The following ADAMTS2 variants were observed in gnomAD, a reference collection of about 807,000 sequenced individuals.
ADAMTS2 encodes the protein ADAM metallopeptidase with thrombospondin type 1 motif 2, also known as A disintegrin and metalloproteinase with thrombospondin motifs 2.
In ADAMTS2, 50 loss-of-function variants were observed where a neutral mutation model predicts 123.0. The ratio of observed to expected loss-of-function variants is 0.41; its 90% CI spans 0.32 to 0.51. The LOEUF is 0.51. Among genes scored for constraint, ADAMTS2 ranks in the 20% least tolerant of loss-of-function variants. The pLI, the probability that ADAMTS2 is intolerant of heterozygous loss-of-function variation, is 0.35. For synonymous variants in ADAMTS2, 678 were observed against 695.4 expected (o/e 0.98, Z 0.39); for missense variants, 1,494 against 1,705.2 (o/e 0.88, Z 2.18).
chr5:179,339,713 T>A (rs1376781650), intron 2 of ADAMTS2, among the ~76,000 whole-genome samples: 1 of 152,144 alleles, frequency 6.6e-6, no homozygotes, highest in Non-Finnish European at 1.5e-5. Context: ...CTCATTGCGA[T>A]CCAGGCAGTG....
At chr5:179,251,385 A>T (rs1023922287) in intron 3 of ADAMTS2, among the ~76,000 whole-genome samples, 2 of 152,160 alleles carry the variant, frequency 1.3e-5, no homozygotes, top group African/African-American at 4.8e-5. Flanking sequence ...CCACCAAAAA[A>T]GCAGGCCTCA....
intron 2 of ADAMTS2, among the ~76,000 whole-genome samples, chr5:179,340,874 A>G (rs1328999070): frequency 1.3e-5 from 2 of 152,208 alleles, no homozygotes; most frequent in Non-Finnish European, 2.9e-5. Flanking sequence ...TAGCACGCCT[A>G]CCACGCTGCC....
Position 179,139,882 on chromosome 5 carries a change from C to A in ADAMTS2, c.1775+8G>T. ...CAGCAAGGCCAGGGGGACATGGGGC[C>A]AACTCACTGTGGGTTGTCACACTGG... On this transcript the variant is annotated splice_region_variant and intron_variant, in intron 11 of 21. Coordinates refer to ENST00000251582, the MANE Select transcript of ADAMTS2 (RefSeq NM_014244.5). The A allele has an allele frequency of 6.2e-7, 1 of 1,611,992 alleles. No homozygotes were observed. The highest frequency in any genetic ancestry group is 8.5e-7 in the Non-Finnish European group (1 of 1,179,934).
At chr5:179,135,121 GGCTCC>G in intron 13 of ADAMTS2, among the ~76,000 whole-genome samples, 1 of 108,470 alleles carries the variant, frequency 9.2e-6, no homozygotes, top group Non-Finnish European at 2.0e-5. Flanking sequence ...CCCAGCTCCC[GGCTCC>G]AGCTCCCAGC....
At chr5:179,330,599 G>A (rs1757455587) in intron 2 of ADAMTS2, among the ~76,000 whole-genome samples, 1 of 151,888 alleles carries the variant, frequency 6.6e-6, no homozygotes, top group East Asian at 1.9e-4. Flanking sequence ...CCCTCCCCCA[G>A]TGCCCGTGAT....
In ADAMTS2 at chr5:179,308,764, ACCCTCCT is replaced by A. The variant is rs1163867566; in HGVS notation, c.534+34996_534+35002del. The stretch of plus-strand genomic sequence containing the variant: ...AGGGCGCGGGCTGCCATGGAACCCC[ACCCTCCT>A]GCAGGTTCCTGGCCCCTCTGCCTCC... On this transcript the variant is annotated intron_variant, in intron 2 of 21. Transcript: ENST00000251582. The surrounding 1 kb of genome is among the most constrained non-coding windows in gnomAD (Gnocchi z 6.6). Among the ~76,000 whole-genome samples, 1 of 151,742 alleles carries A rather than the reference ACCCTCCT, an allele frequency of 6.6e-6. No homozygotes were observed. Among genetic ancestry groups the A allele is most frequent in the African/African-American group, 2.4e-5 (1 of 41,250 alleles).
intron 5 of ADAMTS2, among the ~76,000 whole-genome samples, chr5:179,161,165 T>G (rs1348046747): frequency 2.0e-5 from 3 of 152,196 alleles, no homozygotes; most frequent in Admixed American, 6.5e-5. Flanking sequence ...GCCTGACCCC[T>G]GCAGCTCATC....
chr5:179,183,893 G>C (rs906424313), intron 4 of ADAMTS2, among the ~76,000 whole-genome samples: 2 of 152,222 alleles, frequency 1.3e-5, no homozygotes, highest in Non-Finnish European at 2.9e-5. Context: ...TATAGGAACA[G>C]ACACCAGAGA....
intron 4 of ADAMTS2, among the ~76,000 whole-genome samples, chr5:179,192,729 A>C (rs536081508): frequency 6.6e-6 from 1 of 152,244 alleles, no homozygotes; most frequent in East Asian, 1.9e-4. Flanking sequence ...CCTTGCTCTG[A>C]AGTTTCCTCA....
At position 179,128,018 on chromosome 5, in the gene ADAMTS2, G is replaced by A. The variant is rs1057521585; in HGVS notation, c.2558C>T (p.Ser853Phe). The A allele has an allele frequency of 6.2e-7, 1 of 1,613,970 alleles. No homozygotes were observed. Among genetic ancestry groups the A allele is most frequent in the African/African-American group, 1.3e-5 (1 of 74,930 alleles). The change falls in exon 17 of 22, where the codon TCT becomes TTT. Residue 853 changes from serine to phenylalanine, a missense_variant. Physicochemically the swap from Ser to Phe is radical, Grantham distance 155. This residue lies in a region of ADAMTS2 where 953 missense variants were observed against 1,124.7 expected (regional missense o/e 0.85). Transcript: ENST00000251582. The surrounding 1 kb of genome is among the most constrained non-coding windows in gnomAD (Gnocchi z 4.9). ...CTTCAGGGCCCACTCGTAGACCACA[G>A]AGTCCTCTTCCAGGACGTTGTTGTC... ...VDDNNVLEED[S>F]VVYEWALKKW...
At chr5:179,198,068 C>T (rs928159678) in intron 4 of ADAMTS2, among the ~76,000 whole-genome samples, 8 of 152,142 alleles carry the variant, frequency 5.3e-5, no homozygotes, top group African/African-American at 1.9e-4. Flanking sequence ...AGCCTGGCAG[C>T]ACCCAGTACT....
At chr5:179,223,491 C>T (rs1343753183) in intron 3 of ADAMTS2, among the ~76,000 whole-genome samples, 1 of 151,440 alleles carries the variant, frequency 6.6e-6, no homozygotes, top group African/African-American at 2.4e-5. Flanking sequence ...AATGGACTCA[C>T]ACTCACATGC....
chr5:179,277,304 C>T (rs62395001), intron 2 of ADAMTS2, among the ~76,000 whole-genome samples: 32,260 of 133,280 alleles, frequency 0.24, 5,948 homozygotes, highest in Admixed American at 0.33. Flanking sequence ...GCACCTGCCC[C>T]GAGACCAAAG....
At chr5:179,343,732 G>A (rs1165888013) in intron 2 of ADAMTS2, 35 bp downstream of exon 2, 12 of 1,600,696 alleles carry the variant, frequency 7.5e-6, no homozygotes, top group East Asian at 2.2e-5. Context: ...GGCGAGAGCA[G>A]CGGAGAGAAA....
Position 179,124,867 on chromosome 5 carries a change from G to A in ADAMTS2, c.2958+106C>T, listed in dbSNP as rs542739331. ...TTGCAGTGCTTGGCATGCACGGAGC[G>A]GGTGGTGGTGTTGTGTAGCGGCTGA... On this transcript the variant is annotated intron_variant, in intron 19 of 21. Transcript: ENST00000251582. The A allele has an allele frequency of 3.9e-5, 62 of 1,599,304 alleles. No individual in the cohort carries two copies. The African/African-American group carries it at 7.4e-4, about 19-fold the overall frequency.
intron 4 of ADAMTS2, among the ~76,000 whole-genome samples, chr5:179,190,433 G>A (rs190215772): frequency 1.2e-3 from 184 of 151,354 alleles, no homozygotes; most frequent in African/African-American, 3.6e-3. Context: ...GAAACTAAAC[G>A]GAAGACACAG....
intron 3 of ADAMTS2, among the ~76,000 whole-genome samples, chr5:179,270,776 G>A (rs542135555): frequency 2.0e-5 from 3 of 152,052 alleles, no homozygotes. Context: ...ACGTGGGAAC[G>A]ATTAGGTGCA....
chr5:179,326,335 G>T (rs538801542), intron 2 of ADAMTS2, among the ~76,000 whole-genome samples: 1 of 151,716 alleles, frequency 6.6e-6, no homozygotes, highest in Non-Finnish European at 1.5e-5. Context: ...TGATGTCAGC[G>T]GCTCCTGGCC....
chr5:179,302,714 G>A (rs1300204403), intron 2 of ADAMTS2, among the ~76,000 whole-genome samples: 2 of 152,026 alleles, frequency 1.3e-5, no homozygotes, highest in Non-Finnish European at 2.9e-5. Flanking sequence ...CAACAGCACA[G>A]AGTATTGTTG....
Sources: allele counts gnomAD v4.1 joint callset (sites outside exome capture counted in the v4.1 genomes callset), GRCh38; gene constraint gnomAD v4.1.1; regional missense constraint gnomAD v4.1.1; non-coding constraint Gnocchi (gnomAD v3.1); transcripts MANE v1.5; gene names NCBI Gene and HGNC (gene_info 2026-07-23, HGNC 2026-07-21).